Variants in EHF observed in about 807,000 individuals in gnomAD.
EHF encodes the protein ETS homologous factor.
EHF carries 14 observed loss-of-function variants against 45.1 expected under a neutral mutation model. The observed-to-expected ratio is 0.31, with a 90% CI of 0.21 to 0.49. The LOEUF is 0.49. EHF is among the 20% of genes least tolerant of loss of function. The probability of loss-of-function intolerance (pLI) is 0.99; values close to 1 mark genes in which losing one functional copy is unlikely to be tolerated. For synonymous variants in EHF, 136 were observed against 131.8 expected (o/e 1.03, Z -0.22); for missense variants, 282 against 371.4 (o/e 0.76, Z 1.98).
At position 34,663,001 on chromosome 11, in the gene EHF, G is replaced by A. The variant is rs1856179719; in HGVS notation, c.*4070G>A. 6.6e-6 allele frequency among the ~76,000 whole-genome samples: 1 copy of A among 152,038 alleles called. No individual in the cohort carries two copies. The highest frequency in any genetic ancestry group is 2.4e-5 in the African/African-American group (1 of 41,402). ...TTGAGACTGTGTCTTATGAACCTCT[G>A]AAACGTACAAGCCTTCACAAGTTTA... On this transcript the variant is annotated 3_prime_UTR_variant, in exon 9 of 9. Coordinates refer to ENST00000257831, the MANE Select transcript of EHF (RefSeq NM_012153.6).
intron 1 of EHF, among the ~76,000 whole-genome samples, chr11:34,623,685 C>T (rs1261328203): frequency 6.6e-6 from 1 of 152,190 alleles, no homozygotes; most frequent in East Asian, 1.9e-4. Context: ...AACGTGAGTG[C>T]TTTTGGCCAA....
intron 1 of EHF, among the ~76,000 whole-genome samples, chr11:34,637,609 T>C (rs1853570239): frequency 6.6e-6 from 1 of 152,230 alleles, no homozygotes; most frequent in Admixed American, 6.5e-5. Context: ...TGCCTAAGGC[T>C]AAATAGGTCT....
At chr11:34,623,286 A>T (rs973742547) in intron 1 of EHF, among the ~76,000 whole-genome samples, 1 of 152,038 alleles carries the variant, frequency 6.6e-6, no homozygotes, top group Non-Finnish European at 1.5e-5. Flanking sequence ...GGGTTTTACC[A>T]TGTCAGCCAG....
chr11:34,652,990 G>C (rs1415631462), intron 6 of EHF, among the ~76,000 whole-genome samples: 5 of 152,198 alleles, frequency 3.3e-5, no homozygotes. Flanking sequence ...GCTTGGCTGT[G>C]TATTTGCTAT....
At chr11:34,637,474 C>T (rs976209001) in intron 1 of EHF, among the ~76,000 whole-genome samples, 3 of 152,208 alleles carry the variant, frequency 2.0e-5, no homozygotes, top group Non-Finnish European at 4.4e-5. Context: ...CTATCTCCCG[C>T]CATGTCTCAG....
chr11:34,622,501 G>T, intron 1 of EHF: 3 of 716,034 alleles, frequency 4.2e-6, no homozygotes, highest in Non-Finnish European at 5.8e-6. Context: ...CTGGGGTCAG[G>T]GGAAAAATTT....
intron 2 of EHF, among the ~76,000 whole-genome samples, chr11:34,644,444 C>T (rs1854313308): frequency 6.6e-6 from 1 of 152,206 alleles, no homozygotes; most frequent in South Asian, 2.1e-4. Context: ...TGTTCCATTC[C>T]TCCCCCAACC....
intron 1 of EHF, among the ~76,000 whole-genome samples, chr11:34,627,233 A>C (rs1256848064): frequency 6.6e-6 from 1 of 151,904 alleles, no homozygotes; most frequent in Non-Finnish European, 1.5e-5. Context: ...AGATGCATGA[A>C]CCATATTAAG....
In EHF at chr11:34,658,907, A is replaced by C. The variant is rs768238883; in HGVS notation, c.879A>C (p.Arg293=). ...RLVYKFGKNA[R]GWRENEN is the part of the protein sequence containing the mutation. ...TATATAAATTTGGGAAGAATGCCCG[A>C]GGATGGAGAGAAAATGAAAACTGAA... The change falls in exon 9 of 9, where the codon CGA becomes CGC. Residue 293 remains arginine, a synonymous_variant. Transcript: ENST00000257831. 3.1e-6 allele frequency: 5 copies of C among 1,613,092 alleles called. No individual in the cohort carries two copies. Among genetic ancestry groups the C allele is most frequent in the Non-Finnish European group, 4.2e-6 (5 of 1,179,612 alleles).
Position 34,661,208 on chromosome 11 carries a change from G to A in EHF, c.*2277G>A, listed in dbSNP as rs944434923. Among the ~76,000 whole-genome samples, 1 of 152,132 alleles carries A rather than the reference G, an allele frequency of 6.6e-6. No individual in the cohort carries two copies. Among genetic ancestry groups the A allele is most frequent in the Non-Finnish European group, 1.5e-5 (1 of 68,000 alleles). On this transcript the variant is annotated 3_prime_UTR_variant, in exon 9 of 9. Coordinates refer to ENST00000257831, the MANE Select transcript of EHF (RefSeq NM_012153.6). ...GAATGAATTAAATATCCAGTTACTT[G>A]AATGGGTATAACGCATGAATATTTG... is the stretch of plus-strand genomic sequence containing the variant.
rs1854123378 is a variant in EHF, at chr11:34,642,663, C to T, written c.33C>T (p.Leu11=). 1 of 1,614,024 alleles carries T rather than the reference C, an allele frequency of 6.2e-7. No individual in the cohort carries two copies. The highest frequency in any genetic ancestry group is 8.5e-7 in the Non-Finnish European group (1 of 1,179,960). The stretch of plus-strand genomic sequence containing the variant: ...TGGAAGGAGGTGGTGTAATGAATCT[C>T]AACCCCGGCAACAACCTCCTTCACC... MILEGGGVMN[L]NPGNNLLHQP... The change falls in exon 2 of 9, where the codon CTC becomes CTT. Residue 11 remains leucine (L), a synonymous_variant. Transcript: ENST00000257831.
At chr11:34,630,570 G>T (rs75409065) in intron 1 of EHF, among the ~76,000 whole-genome samples, 1 of 152,074 alleles carries the variant, frequency 6.6e-6, no homozygotes, top group Non-Finnish European at 1.5e-5. Flanking sequence ...GAGGAAACTT[G>T]ACTCTTGAAA....
intron 1 of EHF, among the ~76,000 whole-genome samples, 187 bp downstream of exon 1, chr11:34,621,415 G>A (rs569663269): frequency 1.3e-5 from 2 of 152,248 alleles, no homozygotes; most frequent in African/African-American, 4.8e-5. Flanking sequence ...TGGAGGGCAG[G>A]TTGGCTACTT....
intron 1 of EHF, among the ~76,000 whole-genome samples, chr11:34,624,832 C>G (rs114834060): frequency 0.014 from 2,095 of 152,216 alleles, 55 homozygotes; most frequent in African/African-American, 0.047. Flanking sequence ...GAGCACAGTG[C>G]AGGGAAGGCG....
At chr11:34,647,807 C>T (rs1854724808) in intron 3 of EHF, among the ~76,000 whole-genome samples, 1 of 152,242 alleles carries the variant, frequency 6.6e-6, no homozygotes, top group Non-Finnish European at 1.5e-5. Flanking sequence ...TCCCACCCAC[C>T]TCACATTGGT....
At chr11:34,641,438 AG>A (rs1196935994) in intron 1 of EHF, among the ~76,000 whole-genome samples, 8 of 152,246 alleles carry the variant, frequency 5.3e-5, no homozygotes, top group Non-Finnish European at 5.9e-5. Context: ...GAACAAGAGG[AG>A]CCGTAGCTAA....
At chr11:34,651,345 T>C (rs777666397) in intron 4 of EHF, among the ~76,000 whole-genome samples, 197 bp from the exon 5 acceptor site, 13 of 152,084 alleles carry the variant, frequency 8.5e-5, no homozygotes, top group Non-Finnish European at 1.6e-4. Flanking sequence ...GATGAGGCCA[T>C]TTCCCCGAGG....
rs1335937029 is a variant in EHF, at chr11:34,647,083, A to ACC, written c.343+399_343+400insCC. On this transcript the variant is annotated intron_variant, in intron 3 of 8. Coordinates refer to ENST00000257831, the MANE Select transcript of EHF (RefSeq NM_012153.6). Reference sequence around the variant, plus strand: ...AAAAACAAAAAACAAAACAAAACAAAACCCCCCCCACACACACACACAAAG... The same window carrying ACC: ...AAAAACAAAAAACAAAACAAAACAAACCACCCCCCCCACACACACACACAAAG... Among the ~76,000 whole-genome samples, 524 of 138,796 alleles carry ACC rather than the reference A, an allele frequency of 3.8e-3. 9 individuals carry two copies. Among genetic ancestry groups the ACC allele is most frequent in the African/African-American group, 0.014 (497 of 35,138 alleles). The allele number at this position is 138,796 out of a possible 152,430, so 91.1% of individuals were successfully genotyped here. A position where few individuals can be genotyped will look rare whatever the true frequency, so the allele number is the denominator to read the frequency against.
At chr11:34,645,173 G>A (rs1295941271) in intron 2 of EHF, among the ~76,000 whole-genome samples, 1 of 152,098 alleles carries the variant, frequency 6.6e-6, no homozygotes, top group Non-Finnish European at 1.5e-5. Flanking sequence ...CTCAGATGCT[G>A]GTTTGTCTTT....
Sources: allele counts gnomAD v4.1 joint callset (sites outside exome capture counted in the v4.1 genomes callset), GRCh38; gene constraint gnomAD v4.1.1; transcripts MANE v1.5; gene names NCBI Gene and HGNC (gene_info 2026-07-23, HGNC 2026-07-21).